The following NBEA variants were observed in gnomAD, a reference collection of about 807,000 sequenced individuals.
NBEA encodes the protein neurobeachin, also known as lysosomal-trafficking regulator 2.
A neutral mutation model predicts 343.4 loss-of-function variants in NBEA; 44 were observed. The observed-to-expected ratio is 0.13, with a 90% CI of 0.10 to 0.16. NBEA has a LOEUF of 0.16. Among genes scored for constraint, NBEA ranks in the 10% least tolerant of loss-of-function variants. NBEA has a pLI of 1.00. For missense variants in NBEA, 2,555 were observed against 3,631.3 expected (o/e 0.70, Z 7.62); for synonymous variants, 1,175 against 1,238.7 (o/e 0.95, Z 1.08).
chr13:34,947,572 G>A (rs2059224585), intron 1 of NBEA, among the ~76,000 whole-genome samples: 2 of 152,000 alleles, frequency 1.3e-5, no homozygotes, highest in African/African-American at 2.4e-5. Flanking sequence ...TACAATGTCA[G>A]CATATCTCTT....
chr13:35,322,645 C>T (rs937380499), intron 36 of NBEA, among the ~76,000 whole-genome samples: 6 of 152,162 alleles, frequency 3.9e-5, no homozygotes, highest in Admixed American at 2.0e-4. Context: ...AGTTAATAAA[C>T]ATACTGAGTT....
chr13:35,340,240 C>T (rs1163406397), intron 36 of NBEA, among the ~76,000 whole-genome samples: 1 of 152,042 alleles, frequency 6.6e-6, no homozygotes, highest in Non-Finnish European at 1.5e-5. Flanking sequence ...TGCCCATTGA[C>T]AAGTGAAGCA....
intron 13 of NBEA, among the ~76,000 whole-genome samples, chr13:35,115,336 TTATAAA>T (rs1162199364): frequency 1.3e-5 from 2 of 151,808 alleles, no homozygotes; most frequent in African/African-American, 2.4e-5. Flanking sequence ...CAAGTTATAA[TTATAAA>T]TATAAATATA....
chr13:35,414,229 G>A (rs1054817385), intron 38 of NBEA, among the ~76,000 whole-genome samples: 1 of 122,838 alleles, frequency 8.1e-6, no homozygotes, highest in Non-Finnish European at 1.7e-5. Flanking sequence ...CACATCTACA[G>A]TTACTCTTTT....
chr13:35,327,859 G>C lies in NBEA; in HGVS notation c.5903+18267G>C, dbSNP rs181563318. Among the ~76,000 whole-genome samples the C allele has an allele frequency of 1.5e-3, 223 of 151,956 alleles. 1 individual carries two copies. Among genetic ancestry groups the C allele is most frequent in the African/African-American group, 4.9e-3 (204 of 41,480 alleles). ...CAAAAGAGAAAAATATACGATCATT[G>C]TCATAGATGTAGGAAAAGCATTTGA... is the stretch of plus-strand genomic sequence containing the variant. On this transcript the variant is annotated intron_variant, in intron 36 of 58. Transcript: ENST00000379939.
chr13:35,563,422 A>G (rs2153023452), intron 44 of NBEA, among the ~76,000 whole-genome samples: 1 of 152,060 alleles, frequency 6.6e-6, no homozygotes, highest in Admixed American at 6.5e-5. Context: ...TAAAATAATT[A>G]AAGGAGTAAT....
intron 1 of NBEA, among the ~76,000 whole-genome samples, chr13:34,967,011 G>A (rs1396612885): frequency 6.8e-6 from 1 of 147,154 alleles, no homozygotes; most frequent in East Asian, 2.0e-4. Context: ...GAAGCAGAAT[G>A]TCGATTCATA....
intron 38 of NBEA, among the ~76,000 whole-genome samples, chr13:35,376,233 T>C (rs978945672): frequency 6.6e-6 from 1 of 152,158 alleles, no homozygotes; most frequent in Non-Finnish European, 1.5e-5. Context: ...CATTATGAAG[T>C]TGCTGTCTGG....
rs553308749 is a variant in NBEA at position 35,475,436 on chromosome 13, C to A, written c.6585+2900C>A. 4.3e-6 allele frequency: 7 copies of A among 1,613,358 alleles called. No individual in the cohort carries two copies. In the South Asian group the frequency reaches 6.6e-5, roughly 15 times the overall value. On this transcript the variant is annotated intron_variant, in intron 41 of 58. Coordinates refer to ENST00000379939, the MANE Select transcript of NBEA (RefSeq NM_001385012.1). ...ATCTGCAGTCTGTTCTCTGCCTCCG[C>A]GAACTGCAGCACCCAGGCGTCGCTC...
intron 38 of NBEA, among the ~76,000 whole-genome samples, chr13:35,369,174 T>TTTTTA (rs2041291781): frequency 6.7e-6 from 1 of 150,348 alleles, no homozygotes; most frequent in African/African-American, 2.4e-5. Context: ...TTTTTTTTTT[T>TTTTTA]GAAGAGAGTG....
intron 46 of NBEA, among the ~76,000 whole-genome samples, chr13:35,590,527 C>T (rs2081484671): frequency 6.6e-6 from 1 of 152,088 alleles, no homozygotes; most frequent in East Asian, 1.9e-4. Flanking sequence ...TTCACTAAGC[C>T]CATCTGTGCT....
intron 47 of NBEA, 62 bp from the exon 48 acceptor site, chr13:35,606,364 A>G (rs1203236162): frequency 8.8e-6 from 8 of 910,616 alleles, no homozygotes. Flanking sequence ...TTATAAGTTA[A>G]TAGTTTTATT....
chr13:35,501,680 T>C (rs777135708), intron 41 of NBEA, among the ~76,000 whole-genome samples: 1 of 152,178 alleles, frequency 6.6e-6, no homozygotes, highest in Admixed American at 6.5e-5. Context: ...TTTTATGTGA[T>C]GCTTTTGAAT....
chr13:35,138,808 T>A (rs1320882867), intron 17 of NBEA, among the ~76,000 whole-genome samples: 1 of 152,100 alleles, frequency 6.6e-6, no homozygotes, highest in Non-Finnish European at 1.5e-5. Context: ...CACTGAAAAA[T>A]ACACAATATA....
intron 17 of NBEA, among the ~76,000 whole-genome samples, chr13:35,141,273 T>C (rs1281327599): frequency 6.6e-6 from 1 of 152,084 alleles, no homozygotes; most frequent in Non-Finnish European, 1.5e-5. Flanking sequence ...TTTTTGTTTT[T>C]TTGTTTTTTT....
chr13:35,533,445 T>C (rs1232601998), intron 41 of NBEA, among the ~76,000 whole-genome samples: 1 of 152,148 alleles, frequency 6.6e-6, no homozygotes, highest in Non-Finnish European at 1.5e-5. Flanking sequence ...TATGCACATA[T>C]AGGTATGTCC....
intron 10 of NBEA, among the ~76,000 whole-genome samples, chr13:35,072,663 G>C (rs1008947669): frequency 1.3e-5 from 2 of 152,178 alleles, no homozygotes; most frequent in Middle Eastern, 6.8e-3. Flanking sequence ...CCAGATTCAA[G>C]CAATTCCCTT....
chr13:35,665,501 T>TG (rs1203512424), intron 56 of NBEA, among the ~76,000 whole-genome samples: 1 of 151,082 alleles, frequency 6.6e-6, no homozygotes, highest in Non-Finnish European at 1.5e-5. Context: ...GTGGGGGAGG[T>TG]GGGGGGTCAT....
intron 1 of NBEA, among the ~76,000 whole-genome samples, chr13:34,980,599 C>A (rs1413165992): frequency 6.6e-6 from 1 of 151,946 alleles, no homozygotes; most frequent in Admixed American, 6.6e-5. Context: ...GTAATGAGGG[C>A]TCTGCCTTGT....
Sources: gnomAD v4.1 joint callset for allele counts (sites outside exome capture counted in the v4.1 genomes callset) on GRCh38, gnomAD v4.1.1 for gene constraint, MANE v1.5 for transcripts, NCBI Gene and HGNC (gene_info 2026-07-23, HGNC 2026-07-21) for gene names.